Variants in PRPH2 observed in about 807,000 individuals in gnomAD.
The protein encoded by PRPH2 is peripherin 2, also known as peripherin-2.
A neutral mutation model predicts 31.3 loss-of-function variants in PRPH2; 17 were observed. That is an observed-to-expected ratio of 0.54 (90% CI 0.37 to 0.81). PRPH2 has a LOEUF of 0.81. PRPH2 is among the 40% of genes least tolerant of loss of function. The pLI, the probability that PRPH2 is intolerant of heterozygous loss-of-function variation, is 0.00. For synonymous variants in PRPH2, 165 were observed against 184.4 expected (o/e 0.89, Z 0.85); for missense variants, 430 against 439.7 (o/e 0.98, Z 0.20).
chr6:42,720,446 C>G (rs1416845539), intron 1 of PRPH2, among the ~76,000 whole-genome samples: 1 of 152,094 alleles, frequency 6.6e-6, no homozygotes, highest in African/African-American at 2.4e-5. Context: ...TCTTGTGCTG[C>G]CCCTGCAGAC....
chr6:42,720,171 T>C (rs903273843), intron 1 of PRPH2, among the ~76,000 whole-genome samples: 2 of 152,166 alleles, frequency 1.3e-5, no homozygotes, highest in African/African-American at 4.8e-5. Context: ...CATTGACCAT[T>C]GAGAGTGGAG....
intron 1 of PRPH2, among the ~76,000 whole-genome samples, chr6:42,706,973 A>AT (rs1582767460): frequency 8.4e-6 from 1 of 119,070 alleles, no homozygotes; most frequent in Non-Finnish European, 1.7e-5. Flanking sequence ...TATCTTGGAG[A>AT]TCTTTTTTTT....
At chr6:42,716,181 G>A (rs1181564763) in intron 1 of PRPH2, among the ~76,000 whole-genome samples, 2 of 152,104 alleles carry the variant, frequency 1.3e-5, no homozygotes, top group East Asian at 3.9e-4. Flanking sequence ...CTTCCCCACA[G>A]TCCTCAGGTC....
chr6:42,717,891 C>T (rs1326460728), intron 1 of PRPH2, among the ~76,000 whole-genome samples: 8 of 152,004 alleles, frequency 5.3e-5, no homozygotes, highest in Non-Finnish European at 7.4e-5. Flanking sequence ...TGGGACTGGG[C>T]GCGGTGGCTC....
Position 42,698,422 on chromosome 6 carries a change from C to G in PRPH2, c.914G>C (p.Gly305Ala). 2 of 1,613,886 alleles carry G rather than the reference C, an allele frequency of 1.2e-6. No homozygotes were observed. Among genetic ancestry groups the G allele is most frequent in the Non-Finnish European group, 1.7e-6 (2 of 1,179,778 alleles). Reference sequence around the variant, plus strand: ...CGGCACGCTCCTCTCCAGCAGCCAGCCCTGGCTCTCGCTCTCAGATTCCTC... The same window carrying G: ...CGGCACGCTCCTCTCCAGCAGCCAGGCCTGGCTCTCGCTCTCAGATTCCTC... Reference protein sequence around the residue: ...NPEESESESQGWLLERSVPET... With the variant: ...NPEESESESQAWLLERSVPET... Residue 305 changes from glycine to alanine, a missense_variant, in exon 3 of 3, where the codon GGC (glycine) becomes GCC (alanine). Transcript: ENST00000230381.
In PRPH2 at chr6:42,722,514, G is replaced by T; in HGVS notation, c.-180C>A. ...GCCTGGGATCCCCGTGAATGCAGTA[G>T]TGGTGGCAGGGGTCTCGGAATCACA... On this transcript the variant is annotated 5_prime_UTR_variant, in exon 1 of 3. Coordinates refer to ENST00000230381, the MANE Select transcript of PRPH2 (RefSeq NM_000322.5). This position sits in a 1 kb window ranked among gnomAD's most constrained non-coding sequence, Gnocchi z 4.4. 1.4e-6 allele frequency: 2 copies of T among 1,478,014 alleles called. No individual in the cohort carries two copies. The highest frequency in any genetic ancestry group is 1.8e-6 in the Non-Finnish European group (2 of 1,119,284). The allele number at this position is 1,478,014 out of a possible 1,614,324, so 91.6% of individuals were successfully genotyped here. A position where few individuals can be genotyped will look rare whatever the true frequency, so the allele number is the denominator to read the frequency against.
At chr6:42,718,878 T>A (rs916805503) in intron 1 of PRPH2, among the ~76,000 whole-genome samples, 3 of 152,142 alleles carry the variant, frequency 2.0e-5, no homozygotes, top group Non-Finnish European at 4.4e-5. Context: ...TTGCCCAGGC[T>A]GGTCTTGAAC....
chr6:42,697,743 T>G lies in PRPH2; in HGVS notation c.*552A>C, dbSNP rs968196659. On this transcript the variant is annotated 3_prime_UTR_variant, in exon 3 of 3. Coordinates refer to ENST00000230381, the MANE Select transcript of PRPH2 (RefSeq NM_000322.5). ...TCAATGCCTTAAGAGTCCATTATTC[T>G]TAGAAAAGCGTAACTTTCCCCCAAC... 6.4e-6 allele frequency: 1 copy of G among 155,194 alleles called. No individual in the cohort carries two copies. Among genetic ancestry groups the G allele is most frequent in the African/African-American group, 2.4e-5 (1 of 41,184 alleles). The allele number at this position is 155,194 out of a possible 1,614,324, so 9.6% of individuals were successfully genotyped here.
chr6:42,716,880 A>G (rs961225453), intron 1 of PRPH2, among the ~76,000 whole-genome samples: 11 of 148,086 alleles, frequency 7.4e-5, no homozygotes, highest in African/African-American at 2.7e-4. Flanking sequence ...TCAGCCTCCC[A>G]AAGTGCTAGG....
intron 1 of PRPH2, among the ~76,000 whole-genome samples, chr6:42,709,329 C>G (rs1338754495): frequency 2.0e-5 from 1 of 49,786 alleles, no homozygotes; most frequent in Non-Finnish European, 3.7e-5. Flanking sequence ...GACTCTGTCT[C>G]AAATTAAAAA....
intron 1 of PRPH2, among the ~76,000 whole-genome samples, chr6:42,705,987 T>C (rs1800157103): frequency 6.8e-6 from 1 of 147,302 alleles, no homozygotes; most frequent in South Asian, 2.1e-4. Context: ...AAGTTGCATG[T>C]AGGCCAAGTG....
Position 42,705,159 on chromosome 6 carries a change from G to C in PRPH2, c.582-548C>G, listed in dbSNP as rs542418404. On this transcript the variant is annotated intron_variant, in intron 1 of 2. Coordinates refer to ENST00000230381, the MANE Select transcript of PRPH2 (RefSeq NM_000322.5). ...CTCGGAGGACTCCACCCCCAGCCAG[G>C]TGGGAGCTCCTGACTCACCTAAGGG... Among the ~76,000 whole-genome samples the C allele has an allele frequency of 3.3e-4, 50 of 152,332 alleles. 1 individual carries two copies. In the East Asian group the frequency reaches 8.7e-3, roughly 26 times the overall value.
Position 42,709,334 on chromosome 6 carries a change from TAAAAA to T in PRPH2, c.582-4728_582-4724del, listed in dbSNP as rs58632063. 1.2e-4 allele frequency among the ~76,000 whole-genome samples: 9 copies of T among 77,044 alleles called. No homozygotes were observed. The South Asian group carries it at 2.8e-3, about 24-fold the overall frequency. The allele number at this position is 77,044 out of a possible 152,430, so 50.5% of individuals were successfully genotyped here. A position where few individuals can be genotyped will look rare whatever the true frequency, so the allele number is the denominator to read the frequency against. On this transcript the variant is annotated intron_variant, in intron 1 of 2. Transcript: ENST00000230381. The stretch of plus-strand genomic sequence containing the variant: ...AACAGAGTGAGACTCTGTCTCAAAT[TAAAAA>T]AAAAAAAAAAAAAAAACTTGGGTCC...
intron 1 of PRPH2, among the ~76,000 whole-genome samples, chr6:42,707,364 A>G (rs1800188097): frequency 6.6e-6 from 1 of 152,106 alleles, no homozygotes; most frequent in Admixed American, 6.6e-5. Context: ...GACATCAGTC[A>G]TTTTGCATAT....
chr6:42,716,959 TTTC>T (rs1189435136), intron 1 of PRPH2, among the ~76,000 whole-genome samples: 2 of 103,028 alleles, frequency 1.9e-5, no homozygotes, highest in African/African-American at 3.9e-5. Context: ...CTTTCTTTCT[TTTC>T]TTTTTTTTTT....
chr6:42,699,415 T>C (rs1800010539), intron 2 of PRPH2, among the ~76,000 whole-genome samples: 2 of 152,090 alleles, frequency 1.3e-5, no homozygotes, highest in South Asian at 4.1e-4. Context: ...AAAAATAATT[T>C]GGATTTGTTC....
At chr6:42,708,773 T>C (rs9369380) in intron 1 of PRPH2, among the ~76,000 whole-genome samples, 78,576 of 152,004 alleles carry the variant, frequency 0.52, 20,324 homozygotes, top group East Asian at 0.56. Flanking sequence ...CCTAAATATG[T>C]ATTTGGGAGC....
At chr6:42,700,666 T>G (rs422717) in intron 2 of PRPH2, among the ~76,000 whole-genome samples, 116,491 of 152,112 alleles carry the variant, frequency 0.77, 44,736 homozygotes, top group East Asian at 0.86. Flanking sequence ...CCCCTCCTGC[T>G]TTCCTGAAGG....
chr6:42,712,519 G>A (rs916696772), intron 1 of PRPH2, among the ~76,000 whole-genome samples: 4 of 152,140 alleles, frequency 2.6e-5, no homozygotes, highest in Admixed American at 2.0e-4. Context: ...TATTCAGAAG[G>A]GGAAAATGTG....
Sources: allele counts gnomAD v4.1 joint callset (sites outside exome capture counted in the v4.1 genomes callset), GRCh38; gene constraint gnomAD v4.1.1; non-coding constraint Gnocchi (gnomAD v3.1); transcripts MANE v1.5; gene names NCBI Gene and HGNC (gene_info 2026-07-23, HGNC 2026-07-21).